The following SPOCK1 variants were observed in gnomAD, a reference collection of about 807,000 sequenced individuals.
The protein encoded by SPOCK1 is SPARC (osteonectin), cwcv and kazal like domains proteoglycan 1, also known as testican-1.
Under a neutral mutation model 55.3 loss-of-function variants are expected in SPOCK1, and 23 were observed. The ratio of observed to expected loss-of-function variants is 0.42; its 90% CI spans 0.30 to 0.59. SPOCK1 has a LOEUF of 0.59. Ranked by LOEUF, SPOCK1 falls within the 20% of genes least tolerant of loss-of-function variation. SPOCK1 has a pLI of 0.22. For missense variants in SPOCK1, 499 were observed against 552.5 expected (o/e 0.90, Z 0.97); for synonymous variants, 226 against 221.0 (o/e 1.02, Z -0.20).
intron 2 of SPOCK1, among the ~76,000 whole-genome samples, chr5:137,270,156 T>C (rs1026391391): frequency 1.3e-5 from 2 of 152,138 alleles, no homozygotes; most frequent in Admixed American, 6.5e-5. Context: ...TCTGGCCCAA[T>C]AAAGTTATGG....
intron 2 of SPOCK1, among the ~76,000 whole-genome samples, chr5:137,333,230 A>G (rs978294469): frequency 6.6e-6 from 1 of 152,256 alleles, no homozygotes; most frequent in Admixed American, 6.5e-5. Context: ...CTAGGAAGCA[A>G]CAGCTAGAAA....
At chr5:137,053,138 A>G (rs1752236061) in intron 6 of SPOCK1, among the ~76,000 whole-genome samples, 1 of 152,152 alleles carries the variant, frequency 6.6e-6, no homozygotes, top group Non-Finnish European at 1.5e-5. Context: ...AGCTAATTCT[A>G]GGAACTACAT....
intron 2 of SPOCK1, among the ~76,000 whole-genome samples, chr5:137,268,689 A>G (rs1756904003): frequency 6.6e-6 from 1 of 151,482 alleles, no homozygotes; most frequent in Admixed American, 6.6e-5. Context: ...GGCAGAAGAG[A>G]TAACCCAAGA....
chr5:136,981,594 T>C (rs76875575), intron 9 of SPOCK1, among the ~76,000 whole-genome samples: 75 of 152,362 alleles, frequency 4.9e-4, no homozygotes, highest in South Asian at 1.9e-3. Context: ...TGAAACCAAA[T>C]GTATGGGGGT....
intron 2 of SPOCK1, among the ~76,000 whole-genome samples, chr5:137,493,195 G>A (rs866847609): frequency 6.6e-6 from 1 of 152,178 alleles, no homozygotes; most frequent in South Asian, 2.1e-4. Context: ...ATGTGCTTGT[G>A]TTTAGTTATT....
At chr5:137,327,125 C>T (rs893002009) in intron 2 of SPOCK1, among the ~76,000 whole-genome samples, 5 of 152,126 alleles carry the variant, frequency 3.3e-5, no homozygotes, top group South Asian at 4.1e-4. Context: ...GCACACACTC[C>T]GAGTCCGATT....
At chr5:137,294,898 C>T (rs889873025) in intron 2 of SPOCK1, among the ~76,000 whole-genome samples, 4 of 152,222 alleles carry the variant, frequency 2.6e-5, no homozygotes, top group African/African-American at 9.7e-5. Flanking sequence ...CCCAGCTGCC[C>T]TTTACAAATG....
chr5:136,985,262 T>A (rs1750816120), intron 8 of SPOCK1, 60 bp from the exon 9 acceptor site: 1 of 1,449,282 alleles, frequency 6.9e-7, no homozygotes, highest in Non-Finnish European at 9.7e-7. Flanking sequence ...CGCTAATGAT[T>A]GACTTCACTC....
chr5:137,490,491 C>G (rs1034077715), intron 2 of SPOCK1, among the ~76,000 whole-genome samples: 1 of 152,110 alleles, frequency 6.6e-6, no homozygotes, highest in South Asian at 2.1e-4. Context: ...ATACACAGGC[C>G]GGTTGGATCA....
chr5:136,994,470 C>T (rs1408544810), intron 6 of SPOCK1, among the ~76,000 whole-genome samples: 1 of 152,060 alleles, frequency 6.6e-6, no homozygotes, highest in Non-Finnish European at 1.5e-5. Context: ...ATAAATCAGA[C>T]AATGTATATA....
chr5:137,032,448 G>A (rs1318117457), intron 6 of SPOCK1, among the ~76,000 whole-genome samples: 1 of 152,170 alleles, frequency 6.6e-6, no homozygotes, highest in Non-Finnish European at 1.5e-5. Flanking sequence ...TGGGGCTGGG[G>A]AACAGGGGAG....
chr5:137,348,968 C>T (rs1392041002), intron 2 of SPOCK1, among the ~76,000 whole-genome samples: 3 of 152,170 alleles, frequency 2.0e-5, no homozygotes, highest in African/African-American at 4.8e-5. Context: ...GCCAAACCTC[C>T]GAGATTGGTT....
intron 2 of SPOCK1, among the ~76,000 whole-genome samples, chr5:137,455,809 G>A (rs1354629362): frequency 3.3e-5 from 5 of 151,950 alleles, no homozygotes; most frequent in African/African-American, 1.2e-4. Context: ...TGGGAGGATC[G>A]CTTGAGCCCA....
At chr5:137,480,388 T>C (rs551177287) in intron 2 of SPOCK1, among the ~76,000 whole-genome samples, 8 of 151,596 alleles carry the variant, frequency 5.3e-5, no homozygotes, top group African/African-American at 1.9e-4. Context: ...AGACAATCAA[T>C]ATTGCCCCAA....
intron 3 of SPOCK1, among the ~76,000 whole-genome samples, chr5:137,200,606 T>C (rs534819856): frequency 6.6e-6 from 1 of 152,332 alleles, no homozygotes; most frequent in African/African-American, 2.4e-5. Flanking sequence ...TGGGAGTAAA[T>C]GGATGAATTT....
chr5:137,358,455 AAGGGGAGGGG>A (rs771967424), intron 2 of SPOCK1, among the ~76,000 whole-genome samples: 8 of 67,384 alleles, frequency 1.2e-4, no homozygotes, highest in Admixed American at 7.1e-4. Flanking sequence ...GGAGGGAGGG[AAGGGGAGGGG>A]AGGGGAGGGG....
chr5:137,262,806 G>A (rs1047440309), intron 3 of SPOCK1, among the ~76,000 whole-genome samples: 1 of 152,122 alleles, frequency 6.6e-6, no homozygotes, highest in African/African-American at 2.4e-5. Flanking sequence ...AAAGGAGAAG[G>A]GAATAAAACC....
At chr5:136,988,278 G>A in intron 8 of SPOCK1, 144 bp downstream of exon 8, 1 of 641,720 alleles carries the variant, frequency 1.6e-6, no homozygotes. Flanking sequence ...TGGAAGAAAT[G>A]AGACTTTGGG....
At chr5:137,381,622 G>T (rs1310793372) in intron 2 of SPOCK1, among the ~76,000 whole-genome samples, 1 of 152,216 alleles carries the variant, frequency 6.6e-6, no homozygotes, top group Non-Finnish European at 1.5e-5. Flanking sequence ...CTGGAGCAAT[G>T]GTCTGAGCTG....
Sources: gnomAD v4.1 joint callset for allele counts (sites outside exome capture counted in the v4.1 genomes callset) on GRCh38, gnomAD v4.1.1 for gene constraint, MANE v1.5 for transcripts, NCBI Gene and HGNC (gene_info 2026-07-23, HGNC 2026-07-21) for gene names.